CHD7: variants seen among roughly 807,000 people sequenced by gnomAD.
CHD7 encodes the protein ATP-dependent chromatin remodeler CHD7.
A neutral mutation model predicts 307.3 loss-of-function variants in CHD7; 24 were observed. That is an observed-to-expected ratio of 0.08 (90% CI 0.06 to 0.11). The LOEUF (loss-of-function observed/expected upper bound fraction) is 0.11, where lower values mean the gene tolerates loss of function less well. Ranked by LOEUF, CHD7 falls within the 10% of genes least tolerant of loss-of-function variation. The probability of loss-of-function intolerance (pLI) is 1.00; values close to 1 mark genes in which losing one functional copy is unlikely to be tolerated. For missense variants in CHD7, 3,106 were observed against 3,727.1 expected, an observed-to-expected ratio of 0.83 and a Z score of 4.34; for synonymous variants, 1,363 against 1,349.9, an observed-to-expected ratio of 1.01 and a Z score of -0.21.
chr8:60,730,354 T>G (rs1808380895), intron 1 of CHD7, among the ~76,000 whole-genome samples: 1 of 152,216 alleles, frequency 6.6e-6, no homozygotes, highest in Non-Finnish European at 1.5e-5. Context: ...TATCATATGC[T>G]AATATGAATG....
At chr8:60,714,151 G>A (rs2150529176) in intron 1 of CHD7, among the ~76,000 whole-genome samples, 1 of 151,988 alleles carries the variant, frequency 6.6e-6, no homozygotes, top group Non-Finnish European at 1.5e-5. Context: ...GAGCCCGCGC[G>A]AGGACATGAG....
At chr8:60,680,101 C>T (rs1563509139) in intron 1 of CHD7, among the ~76,000 whole-genome samples, 1 of 151,724 alleles carries the variant, frequency 6.6e-6, no homozygotes, top group Non-Finnish European at 1.5e-5. Context: ...CTCGGCTCCC[C>T]CGCCCCCCAA....
At chr8:60,785,227 A>G (rs1341564626) in intron 3 of CHD7, among the ~76,000 whole-genome samples, 1 of 152,238 alleles carries the variant, frequency 6.6e-6, no homozygotes, top group African/African-American at 2.4e-5. Context: ...GTACAGAAAG[A>G]AGGGAACTTG....
chr8:60,738,969 C>T (rs1369447467), intron 1 of CHD7, among the ~76,000 whole-genome samples: 1 of 152,168 alleles, frequency 6.6e-6, no homozygotes, highest in Admixed American at 6.5e-5. Flanking sequence ...CCTACTCATG[C>T]GCATAGGCAA....
intron 6 of CHD7, among the ~76,000 whole-genome samples, chr8:60,807,397 CT>C (rs1289177392): frequency 6.6e-6 from 1 of 152,198 alleles, no homozygotes; most frequent in Non-Finnish European, 1.5e-5. Context: ...CATATTATGA[CT>C]TGTTTAAGAG....
Position 60,837,972 on chromosome 8 carries a change from A to G in CHD7, c.4354-104A>G, listed in dbSNP as rs76518681. ...GTATTTTGTAACACTTTCCTTTGTT[A>G]TAATTTAGGTTTACTCTCTTTGAGA... On this transcript the variant is annotated intron_variant, in intron 18 of 37. Coordinates refer to ENST00000423902, the MANE Select transcript of CHD7 (RefSeq NM_017780.4). The G allele has an allele frequency of 0.015, 18,955 of 1,257,630 alleles. 163 individuals carry two copies. Among genetic ancestry groups the G allele is most frequent in the Non-Finnish European group, 0.018 (16,950 of 931,436 alleles). 77.9% of individuals were successfully genotyped at this position (1,257,630 alleles called of 1,614,324 possible).
intron 14 of CHD7, among the ~76,000 whole-genome samples, chr8:60,829,461 C>T (rs1277455354): frequency 1.3e-5 from 2 of 152,106 alleles, no homozygotes; most frequent in South Asian, 4.1e-4. Context: ...ATTAGCCGGG[C>T]GTGGTGGAAC....
chr8:60,777,770 T>G (rs944048596), intron 2 of CHD7, among the ~76,000 whole-genome samples: 2 of 152,206 alleles, frequency 1.3e-5, no homozygotes, highest in African/African-American at 4.8e-5. Context: ...TCATTTTTAT[T>G]TATAGTTTAA....
At chr8:60,723,171 A>G (rs914756745) in intron 1 of CHD7, among the ~76,000 whole-genome samples, 1 of 152,196 alleles carries the variant, frequency 6.6e-6, no homozygotes, top group Non-Finnish European at 1.5e-5. Flanking sequence ...AAGTATCAGA[A>G]AACTGTCAAA....
chr8:60,784,849 G>A (rs1811421691), intron 3 of CHD7, among the ~76,000 whole-genome samples: 1 of 152,144 alleles, frequency 6.6e-6, no homozygotes, highest in Non-Finnish European at 1.5e-5. Flanking sequence ...AAACCTTGAT[G>A]AGAAAAACGG....
At chr8:60,789,235 T>C (rs1346136656) in intron 3 of CHD7, among the ~76,000 whole-genome samples, 2 of 152,250 alleles carry the variant, frequency 1.3e-5, no homozygotes, top group African/African-American at 4.8e-5. Flanking sequence ...TCACATTCTG[T>C]GTGGCATCCC....
At chr8:60,769,110 T>C (rs1440113292) in intron 2 of CHD7, among the ~76,000 whole-genome samples, 1 of 152,208 alleles carries the variant, frequency 6.6e-6, no homozygotes, top group Non-Finnish European at 1.5e-5. Context: ...TGTAATAGCA[T>C]CTCTGTAGCA....
At chr8:60,771,501 T>C (rs1754859439) in intron 2 of CHD7, among the ~76,000 whole-genome samples, 1 of 152,336 alleles carries the variant, frequency 6.6e-6, no homozygotes, top group East Asian at 1.9e-4. Flanking sequence ...TTTCAGATTT[T>C]TAGATTAGGG....
chr8:60,683,572 T>C (rs1438858312), intron 1 of CHD7, among the ~76,000 whole-genome samples: 1 of 152,236 alleles, frequency 6.6e-6, no homozygotes, highest in African/African-American at 2.4e-5. Context: ...TAGAGAATGA[T>C]TGGATATTTA....
At chr8:60,704,023 T>C (rs1236905054) in intron 1 of CHD7, among the ~76,000 whole-genome samples, 1 of 152,112 alleles carries the variant, frequency 6.6e-6, no homozygotes, top group African/African-American at 2.4e-5. Context: ...TTCTCTGACT[T>C]ATGCCATCTT....
At chr8:60,834,390 T>C (rs1804655266) in intron 15 of CHD7, among the ~76,000 whole-genome samples, 1 of 152,234 alleles carries the variant, frequency 6.6e-6, no homozygotes, top group African/African-American at 2.4e-5. Flanking sequence ...TGATGTATTG[T>C]ACAACAAGAA....
intron 1 of CHD7, among the ~76,000 whole-genome samples, chr8:60,729,636 G>A (rs1808341198): frequency 6.6e-6 from 1 of 152,188 alleles, no homozygotes; most frequent in Non-Finnish European, 1.5e-5. Context: ...TTGAAACTGA[G>A]TAGGTGCCTG....
In CHD7 at chr8:60,680,194, C is replaced by A. The variant is rs368231856; in HGVS notation, c.-175+1112C>A. 3.3e-5 allele frequency among the ~76,000 whole-genome samples: 5 copies of A among 151,928 alleles called. No individual in the cohort carries two copies. In the East Asian group the frequency reaches 9.7e-4, roughly 30 times the overall value. ...GGGTGCGCTCTGCCCTCGCAGAGAG[C>A]CGCGGCTTGGAGCGTGAACGGCCGA... On this transcript the variant is annotated intron_variant, in intron 1 of 37. Coordinates refer to ENST00000423902, the MANE Select transcript of CHD7 (RefSeq NM_017780.4).
Position 60,747,649 on chromosome 8 carries a change from C to G in CHD7, c.1665+4552C>G, listed in dbSNP as rs1001819311. On this transcript the variant is annotated intron_variant, in intron 2 of 37. Transcript: ENST00000423902. The stretch of plus-strand genomic sequence containing the variant: ...AAAATGAGGATGAAAAAGCAAATAA[C>G]ATCTCAGGATCATGTAGAAATAGTT... 2.6e-5 allele frequency among the ~76,000 whole-genome samples: 4 copies of G among 152,186 alleles called. No individual in the cohort carries two copies. The South Asian group carries it at 8.3e-4, about 31-fold the overall frequency.
Sources: gnomAD v4.1 joint callset for allele counts (sites outside exome capture counted in the v4.1 genomes callset) on GRCh38, gnomAD v4.1.1 for gene constraint, MANE v1.5 for transcripts, NCBI Gene and HGNC (gene_info 2026-07-23, HGNC 2026-07-21) for gene names.